APAF1: variants seen among roughly 807,000 people sequenced by gnomAD.
APAF1 encodes the protein apoptotic peptidase activating factor 1.
In APAF1, 91 loss-of-function variants were observed where a neutral mutation model predicts 152.4. That is an observed-to-expected ratio of 0.60 (90% confidence interval 0.50 to 0.71). APAF1 has a LOEUF of 0.71. Among genes scored for constraint, APAF1 ranks in the 30% least tolerant of loss-of-function variants. The probability of loss-of-function intolerance (pLI) is 0.00; values close to 1 mark genes in which losing one functional copy is unlikely to be tolerated. For missense variants in APAF1, 1,283 were observed against 1,472.0 expected (o/e 0.87, Z 2.10); for synonymous variants, 484 against 494.1 (o/e 0.98, Z 0.27).
Position 98,648,486 on chromosome 12 carries a change from G to T in APAF1, c.127G>T (p.Val43Leu), listed in dbSNP as rs2097644898. Residue 43 changes from valine (V) to leucine (L), a missense_variant, in exon 2 of 27, where the codon GTA becomes TTA. Transcript: ENST00000551964. ...GFLTISEEEK[V>L]RNEPTQQQRA... ...TTTAACAATATCAGAAGAGGAAAAA[G>T]TAAGAAATGAGGTAAAGCTCTCTGA... 6.2e-7 allele frequency: 1 copy of T among 1,613,562 alleles called. No homozygotes were observed. Among genetic ancestry groups the T allele is most frequent in the South Asian group, 1.1e-5 (1 of 91,062 alleles).
At chr12:98,693,241 G>A (rs759307574) in intron 16 of APAF1, among the ~76,000 whole-genome samples, 3 of 151,836 alleles carry the variant, frequency 2.0e-5, no homozygotes, top group South Asian at 2.1e-4. Context: ...TGTTATTGAT[G>A]TACAGAAATG....
At position 98,665,559 on chromosome 12, in the gene APAF1, C is replaced by T. The variant is rs749009060; in HGVS notation, c.962C>T (p.Pro321Leu). 1 of 1,610,858 alleles carries T rather than the reference C, an allele frequency of 6.2e-7. No individual in the cohort carries two copies. The change falls in exon 8 of 27, where the codon CCC (proline) becomes CTC (leucine). Residue 321 changes from proline to leucine, a missense_variant. Physicochemically the swap from Pro to Leu is moderately conservative, Grantham distance 98. Coordinates refer to ENST00000551964, the MANE Select transcript of APAF1 (RefSeq NM_181861.2). Reference sequence around the variant, plus strand: ...CTTCATTTTTTTTTTAAAGGCTCTCCCCTTGTAGTATCTTTAATTGGTGCA... The same window carrying T: ...CTTCATTTTTTTTTTAAAGGCTCTCTCCTTGTAGTATCTTTAATTGGTGCA... ...HSIIKECKGSPLVVSLIGALL... is the reference protein window; with the variant it reads ...HSIIKECKGSLLVVSLIGALL...
At position 98,733,942 on chromosome 12, in the gene APAF1, C is replaced by A. The variant is rs1298174071; in HGVS notation, c.*1376C>A. 1 of 152,170 alleles carries A rather than the reference C, an allele frequency of 6.6e-6. No homozygotes were observed. Among genetic ancestry groups the A allele is most frequent in the Non-Finnish European group, 1.5e-5 (1 of 68,042 alleles). The allele number at this position is 152,170 out of a possible 1,614,324, so 9.4% of individuals were successfully genotyped here. On this transcript the variant is annotated 3_prime_UTR_variant, in exon 27 of 27. Coordinates refer to ENST00000551964, the MANE Select transcript of APAF1 (RefSeq NM_181861.2). ...GAAACCTGATCTTTCCTAATCCTCA[C>A]TTTTTTCTTTTTTAAAAAGCAGTTT...
rs2097765586 is a variant in APAF1, at chr12:98,733,937, C to G, written c.*1371C>G. 1 of 152,198 alleles carries G rather than the reference C, an allele frequency of 6.6e-6. No homozygotes were observed. Among genetic ancestry groups the G allele is most frequent in the African/African-American group, 2.4e-5 (1 of 41,464 alleles). The allele number at this position is 152,198 out of a possible 1,614,324, so 9.4% of individuals were successfully genotyped here. A position where few individuals can be genotyped will look rare whatever the true frequency, so the allele number is the denominator to read the frequency against. On this transcript the variant is annotated 3_prime_UTR_variant, in exon 27 of 27. Transcript: ENST00000551964. ...TGAATGAAACCTGATCTTTCCTAATCCTCACTTTTTTCTTTTTTAAAAAGC... is the reference window on the plus strand; with the variant it reads ...TGAATGAAACCTGATCTTTCCTAATGCTCACTTTTTTCTTTTTTAAAAAGC...
chr12:98,659,580 C>A (rs891854861), intron 5 of APAF1, among the ~76,000 whole-genome samples: 1 of 151,818 alleles, frequency 6.6e-6, no homozygotes, highest in African/African-American at 2.4e-5. Flanking sequence ...GGTGAAACCC[C>A]ATCTCTACTA....
intron 14 of APAF1, 84 bp downstream of exon 14, chr12:98,680,486 G>A: frequency 6.0e-6 from 8 of 1,326,160 alleles, no homozygotes; most frequent in Non-Finnish European, 8.5e-6. Context: ...AGTAAGTAGA[G>A]TTAAAGGACT....
chr12:98,667,880 C>G (rs1269745014), intron 10 of APAF1, among the ~76,000 whole-genome samples: 1 of 149,516 alleles, frequency 6.7e-6, no homozygotes, highest in Non-Finnish European at 1.5e-5. Flanking sequence ...AAGTGATCCT[C>G]CCACTTCAGC....
At chr12:98,675,308 T>C (rs950809320) in intron 12 of APAF1, among the ~76,000 whole-genome samples, 2 of 152,228 alleles carry the variant, frequency 1.3e-5, no homozygotes, top group African/African-American at 4.8e-5. Flanking sequence ...TCCTTTATTA[T>C]GAAAGTCACT....
At chr12:98,657,732 T>G (rs1309349156) in intron 4 of APAF1, among the ~76,000 whole-genome samples, 1 of 152,188 alleles carries the variant, frequency 6.6e-6, no homozygotes, top group Non-Finnish European at 1.5e-5. Flanking sequence ...AGTTGAACAT[T>G]GATACTTTAA....
chr12:98,651,635 G>C (rs964355331), intron 4 of APAF1, among the ~76,000 whole-genome samples: 3 of 151,992 alleles, frequency 2.0e-5, no homozygotes, highest in Non-Finnish European at 4.4e-5. Context: ...TTGTAGCTAG[G>C]AGCAAAATTA....
chr12:98,696,696 A>T (rs1195142912), intron 16 of APAF1, among the ~76,000 whole-genome samples: 1 of 152,046 alleles, frequency 6.6e-6, no homozygotes, highest in African/African-American at 2.4e-5. Flanking sequence ...GGGTTTCACC[A>T]TGTTGCCCAG....
intron 13 of APAF1, 94 bp downstream of exon 13, chr12:98,677,645 C>A: frequency 6.8e-7 from 1 of 1,478,202 alleles, no homozygotes; most frequent in South Asian, 1.2e-5. Flanking sequence ...AAGAAAATTG[C>A]AACTTAGAAA....
intron 5 of APAF1, 60 bp from the exon 6 acceptor site, chr12:98,662,395 CT>C: frequency 7.7e-7 from 1 of 1,299,472 alleles, no homozygotes; most frequent in Non-Finnish European, 1.1e-6. Context: ...GTGGGATTAT[CT>C]TTTTAAAAGG....
chr12:98,677,284 C>T (rs2097687608), intron 12 of APAF1, 141 bp from the exon 13 acceptor site: 1 of 819,400 alleles, frequency 1.2e-6, no homozygotes, highest in African/African-American at 1.7e-5. Context: ...CTGTCATTTG[C>T]ATGTTAGTAA....
intron 4 of APAF1, among the ~76,000 whole-genome samples, chr12:98,656,911 T>A (rs993593631): frequency 1.3e-4 from 20 of 152,236 alleles, no homozygotes; most frequent in Non-Finnish European, 2.5e-4. Flanking sequence ...ATTGATGTAA[T>A]CACCGTCTCA....
intron 14 of APAF1, among the ~76,000 whole-genome samples, chr12:98,680,800 C>T (rs2153324004): frequency 6.6e-6 from 1 of 152,284 alleles, no homozygotes; most frequent in Admixed American, 6.5e-5. Flanking sequence ...AAAGCAATGA[C>T]AAATTAGTGA....
chr12:98,705,837 C>T (rs1471254073), intron 18 of APAF1, among the ~76,000 whole-genome samples: 3 of 152,136 alleles, frequency 2.0e-5, no homozygotes, highest in Non-Finnish European at 4.4e-5. Context: ...TTTGTTCATC[C>T]TATTATTTTT....
rs1292010768 is a variant in APAF1, at chr12:98,659,244, C to T, written c.611C>T (p.Thr204Ile). ...GLLMKLQNLCTRLDQDESFSQ... is the reference protein window; with the variant it reads ...GLLMKLQNLCIRLDQDESFSQ... ...CTGATGAAACTGCAGAATCTTTGCA[C>T]ACGGTTGGATCAGGATGAGAGTTTT... The change falls in exon 5 of 27, where the codon ACA becomes ATA. Residue 204 changes from threonine to isoleucine, a missense_variant. Transcript: ENST00000551964. 6 of 1,614,018 alleles carry T rather than the reference C, an allele frequency of 3.7e-6. No homozygotes were observed. The highest frequency in any genetic ancestry group is 1.3e-5 in the African/African-American group (1 of 74,904).
In APAF1 at chr12:98,707,531, A is replaced by G. The variant is rs554732772; in HGVS notation, c.2721+921A>G. ...AGATATGATTTACTCCTTATTTCCA[A>G]CACTCCACTGCTTCTCTGGCTCATT... On this transcript the variant is annotated intron_variant, in intron 19 of 26. Transcript: ENST00000551964. 3.4e-4 allele frequency among the ~76,000 whole-genome samples: 52 copies of G among 152,052 alleles called. 1 individual carries two copies. The South Asian group carries it at 0.011, about 32-fold the overall frequency.
Sources: allele counts gnomAD v4.1 joint callset (sites outside exome capture counted in the v4.1 genomes callset), GRCh38; gene constraint gnomAD v4.1.1; transcripts MANE v1.5; gene names NCBI Gene and HGNC (gene_info 2026-07-23, HGNC 2026-07-21).